The following ALKBH5 variants were observed in gnomAD, a reference collection of about 807,000 sequenced individuals.
The protein encoded by ALKBH5 is RNA demethylase ALKBH5.
Under a neutral mutation model 32.1 loss-of-function variants are expected in ALKBH5, and 2 were observed. That is an observed-to-expected ratio of 0.06 (90% CI 0.03 to 0.20). The LOEUF is 0.20. Among genes scored for constraint, ALKBH5 ranks in the 10% least tolerant of loss-of-function variants. The pLI, the probability that ALKBH5 is intolerant of heterozygous loss-of-function variation, is 1.00. For missense variants in ALKBH5, 352 were observed against 559.5 expected, an observed-to-expected ratio of 0.63 and a Z score of 3.74; for synonymous variants, 300 against 231.7, an observed-to-expected ratio of 1.29 and a Z score of -2.68.
intron 2 of ALKBH5, among the ~76,000 whole-genome samples, chr17:18,198,046 C>T (rs979973312): frequency 1.3e-5 from 2 of 152,228 alleles, no homozygotes; most frequent in African/African-American, 2.4e-5. Flanking sequence ...TGTTCATCCT[C>T]TGATTCATAT....
At position 18,184,059 on chromosome 17, in the gene ALKBH5, C is replaced by T. The variant is rs773033654; in HGVS notation, c.-185C>T. On this transcript the variant is annotated 5_prime_UTR_variant, in exon 1 of 4. Transcript: ENST00000399138. ...CCGTTGTCGCCACCGTTGCATGACC[C>T]GCCGCTCCTGAGGCCCTACCCCACG... 1.2e-4 allele frequency: 85 copies of T among 682,150 alleles called. No individual in the cohort carries two copies. Among genetic ancestry groups the T allele is most frequent in the Non-Finnish European group, 2.1e-5 (8 of 378,692 alleles). 42.3% of individuals were successfully genotyped at this position (682,150 alleles called of 1,614,324 possible).
At chr17:18,208,186 C>T in intron 3 of ALKBH5, 33 bp from the exon 4 acceptor site, 2 of 1,573,272 alleles carry the variant, frequency 1.3e-6, no homozygotes, top group Non-Finnish European at 1.7e-6. Flanking sequence ...CTGCCAGCCT[C>T]TCAGATAACG....
intron 1 of ALKBH5, among the ~76,000 whole-genome samples, chr17:18,189,661 T>G (rs1272020869): frequency 6.6e-6 from 1 of 152,246 alleles, no homozygotes; most frequent in Non-Finnish European, 1.5e-5. Context: ...CACCACCATT[T>G]TAACTCGTTG....
At chr17:18,207,030 G>A in intron 3 of ALKBH5, 60 bp downstream of exon 3, 1 of 1,585,590 alleles carries the variant, frequency 6.3e-7, no homozygotes, top group Non-Finnish European at 8.6e-7. Flanking sequence ...GGTGAGAAGG[G>A]TGGAGAAGCC....
rs2047293662 is a variant in ALKBH5, at chr17:18,209,728, C to T, written c.*1332C>T. ...GTGTACAGAGGTCCGGGTCTGAGACCTCATAGGCTGCAGAAATCTGGGGCA... is the reference window on the plus strand; with the variant it reads ...GTGTACAGAGGTCCGGGTCTGAGACTTCATAGGCTGCAGAAATCTGGGGCA... On this transcript the variant is annotated 3_prime_UTR_variant, in exon 4 of 4. Coordinates refer to ENST00000399138, the MANE Select transcript of ALKBH5 (RefSeq NM_017758.4). 1 of 152,452 alleles carries T rather than the reference C, an allele frequency of 6.6e-6. No individual in the cohort carries two copies. Among genetic ancestry groups the T allele is most frequent in the South Asian group, 2.1e-4 (1 of 4,828 alleles). The allele number at this position is 152,452 out of a possible 1,614,324, so 9.4% of individuals were successfully genotyped here. A position where few individuals can be genotyped will look rare whatever the true frequency, so the allele number is the denominator to read the frequency against.
At chr17:18,206,776 G>A (rs1399126040) in intron 2 of ALKBH5, 39 bp from the exon 3 acceptor site, 34 of 1,604,146 alleles carry the variant, frequency 2.1e-5, no homozygotes, top group Admixed American at 6.7e-5. Flanking sequence ...CACCTTCACC[G>A]GAGGCCCTTT....
Position 18,208,758 on chromosome 17 carries a change from T to C in ALKBH5, c.*362T>C, listed in dbSNP as rs764429134. 9 of 358,254 alleles carry C rather than the reference T, an allele frequency of 2.5e-5. No individual in the cohort carries two copies. Among genetic ancestry groups the C allele is most frequent in the Non-Finnish European group, 4.8e-5 (9 of 188,848 alleles). 22.2% of individuals were successfully genotyped at this position (358,254 alleles called of 1,614,324 possible). A position where few individuals can be genotyped will look rare whatever the true frequency, so the allele number is the denominator to read the frequency against. On this transcript the variant is annotated 3_prime_UTR_variant, in exon 4 of 4. Transcript: ENST00000399138. The stretch of plus-strand genomic sequence containing the variant: ...CAACAAAATGTTTTGGTTAAGAAAA[T>C]TATTTTGCTTTCAGTGTAAATCTTC...
intron 2 of ALKBH5, among the ~76,000 whole-genome samples, chr17:18,196,865 T>G (rs991121001): frequency 1.6e-4 from 25 of 152,192 alleles, no homozygotes; most frequent in African/African-American, 5.3e-4. Flanking sequence ...TGGTCTACTC[T>G]CCTTCATTTA....
At chr17:18,206,792 C>A (rs774308487) in intron 2 of ALKBH5, 23 bp from the exon 3 acceptor site, 1 of 1,612,210 alleles carries the variant, frequency 6.2e-7, no homozygotes, top group Non-Finnish European at 8.5e-7. Flanking sequence ...CCTTTGGTGA[C>A]CCCATGCATG....
At chr17:18,190,220 A>G (rs2047165360) in intron 1 of ALKBH5, among the ~76,000 whole-genome samples, 1 of 152,192 alleles carries the variant, frequency 6.6e-6, no homozygotes, top group Non-Finnish European at 1.5e-5. Context: ...ACCGTCCCCT[A>G]GAGGAGAGAT....
chr17:18,194,554 A>G (rs1341728720), intron 1 of ALKBH5, among the ~76,000 whole-genome samples: 2 of 152,148 alleles, frequency 1.3e-5, no homozygotes, highest in Non-Finnish European at 2.9e-5. Flanking sequence ...AGGCAGTCCT[A>G]GCTCTCCCTG....
intron 2 of ALKBH5, among the ~76,000 whole-genome samples, chr17:18,204,344 G>A (rs1005000183): frequency 6.6e-6 from 1 of 152,104 alleles, no homozygotes; most frequent in African/African-American, 2.4e-5. Context: ...CTAGCAATTC[G>A]GGAGGCTGAG....
chr17:18,205,134 C>G (rs1186626862), intron 2 of ALKBH5, among the ~76,000 whole-genome samples: 33 of 152,172 alleles, frequency 2.2e-4, no homozygotes, highest in Non-Finnish European at 1.5e-5. Flanking sequence ...CCAGAGAATC[C>G]CAGCCTTGAA....
chr17:18,201,019 G>A (rs1290096909), intron 2 of ALKBH5, among the ~76,000 whole-genome samples: 1 of 152,184 alleles, frequency 6.6e-6, no homozygotes, highest in Non-Finnish European at 1.5e-5. Flanking sequence ...CACAGAGTTC[G>A]AGGAGTCAGG....
intron 2 of ALKBH5, among the ~76,000 whole-genome samples, chr17:18,202,784 A>G (rs1438763509): frequency 1.3e-5 from 2 of 152,016 alleles, no homozygotes; most frequent in African/African-American, 4.8e-5. Context: ...AATTAAAAAA[A>G]AAAAATTAGG....
rs574071019 is a variant in ALKBH5 at position 18,199,021 on chromosome 17, G to A, written c.851+3986G>A. Among the ~76,000 whole-genome samples the A allele has an allele frequency of 3.9e-5, 6 of 152,298 alleles. No individual in the cohort carries two copies. The East Asian group carries it at 7.7e-4, about 20-fold the overall frequency. ...GTCCTGCCCTTTCCCCCAGTGTGTC[G>A]TTGGGATGGATGCTTTGAGTTAGGA... On this transcript the variant is annotated intron_variant, in intron 2 of 3. Coordinates refer to ENST00000399138, the MANE Select transcript of ALKBH5 (RefSeq NM_017758.4).
intron 1 of ALKBH5, among the ~76,000 whole-genome samples, chr17:18,186,264 C>T (rs2047138552): frequency 6.6e-6 from 1 of 152,146 alleles, no homozygotes; most frequent in Non-Finnish European, 1.5e-5. Context: ...CTGTCAGATG[C>T]CTTCTTATAA....
At chr17:18,190,320 C>T (rs972005502) in intron 1 of ALKBH5, among the ~76,000 whole-genome samples, 5 of 152,050 alleles carry the variant, frequency 3.3e-5, no homozygotes, top group African/African-American at 7.2e-5. Context: ...GAGGCCAGGG[C>T]GGGTGGATCA....
chr17:18,193,155 C>G (rs1257124121), intron 1 of ALKBH5, among the ~76,000 whole-genome samples: 1 of 151,704 alleles, frequency 6.6e-6, no homozygotes, highest in African/African-American at 2.4e-5. Context: ...AGCCACCGTG[C>G]CTAGCCTGTC....
Sources: allele counts gnomAD v4.1 joint callset (sites outside exome capture counted in the v4.1 genomes callset), GRCh38; gene constraint gnomAD v4.1.1; transcripts MANE v1.5; gene names NCBI Gene and HGNC (gene_info 2026-07-23, HGNC 2026-07-21).